Variants in CADM4 observed in about 807,000 individuals in gnomAD.
The protein encoded by CADM4 is cell adhesion molecule 4.
Under a neutral mutation model 43.9 loss-of-function variants are expected in CADM4, and 13 were observed. That is an observed-to-expected ratio of 0.30 (90% CI 0.19 to 0.47). The LOEUF (loss-of-function observed/expected upper bound fraction) is 0.47. Ranked by LOEUF, CADM4 falls within the 20% of genes least tolerant of loss-of-function variation. CADM4 has a pLI of 1.00. For missense variants in CADM4, 420 were observed against 527.0 expected, an observed-to-expected ratio of 0.80 and a Z score of 1.99; for synonymous variants, 209 against 220.9, an observed-to-expected ratio of 0.95 and a Z score of 0.48.
intron 1 of CADM4, among the ~76,000 whole-genome samples, chr19:43,628,178 C>A (rs1294389838): frequency 6.6e-6 from 1 of 151,546 alleles, no homozygotes; most frequent in African/African-American, 2.4e-5. Context: ...GTAATCCCAG[C>A]ACTTTGAGAG....
At chr19:43,629,665 C>T (rs1973587600) in intron 1 of CADM4, among the ~76,000 whole-genome samples, 1 of 152,114 alleles carries the variant, frequency 6.6e-6, no homozygotes, top group Admixed American at 6.6e-5. Flanking sequence ...GTTGCCCAGG[C>T]TGGAGTGCAG....
chr19:43,625,324 A>G lies in CADM4; in HGVS notation c.756-74T>C, dbSNP rs986980116. On this transcript the variant is annotated intron_variant, in intron 6 of 8. Coordinates refer to ENST00000222374, the MANE Select transcript of CADM4 (RefSeq NM_145296.2). This position sits in a 1 kb window ranked among gnomAD's most constrained non-coding sequence, Gnocchi z 4.5. ...CCCAATTCTGACTTGTCAAGAATCT[A>G]GACATGCAACTCTCATCCCGCAGGG... 7 of 1,453,456 alleles carry G rather than the reference A, an allele frequency of 4.8e-6. No homozygotes were observed. The highest frequency in any genetic ancestry group is 6.5e-6 in the Non-Finnish European group (7 of 1,069,544). The allele number at this position is 1,453,456 out of a possible 1,614,324, so 90.0% of individuals were successfully genotyped here. A position where few individuals can be genotyped will look rare whatever the true frequency, so the allele number is the denominator to read the frequency against.
chr19:43,640,579 A>G (rs1973762850), upstream of CADM4, among the ~76,000 whole-genome samples: 1 of 152,030 alleles, frequency 6.6e-6, no homozygotes, highest in Non-Finnish European at 1.5e-5. Flanking sequence ...GGGCCCCCTG[A>G]AAGTGAACTA....
At position 43,626,804 on chromosome 19, in the gene CADM4, C is replaced by T. The variant is rs1203085411; in HGVS notation, c.479G>A (p.Arg160Gln). The change falls in exon 4 of 9, where the codon CGG becomes CAG. Residue 160 changes from arginine to glutamine, a missense_variant. Physicochemically the swap from Arg to Gln is conservative, Grantham distance 43 (BLOSUM62 1). Coordinates refer to ENST00000222374, the MANE Select transcript of CADM4 (RefSeq NM_145296.2). The surrounding 1 kb of genome is among the most constrained non-coding windows in gnomAD (Gnocchi z 5.9). ...SRPAATLRWYRDRKELKGVSS... is the reference protein window; with the variant it reads ...SRPAATLRWYQDRKELKGVSS... ...GGTACCTTTCAGCTCCTTGCGGTCC[C>T]GGTACCAGCGCAGGGTGGCAGCCGG... is the stretch of plus-strand genomic sequence containing the variant. 1 of 1,603,278 alleles carries T rather than the reference C, an allele frequency of 6.2e-7. No homozygotes were observed. The highest frequency in any genetic ancestry group is 1.7e-5 in the Admixed American group (1 of 58,830).
At chr19:43,640,086 A>ACCT (rs1973757387), upstream of CADM4, among the ~76,000 whole-genome samples, 1 of 124,530 alleles carries the variant, frequency 8.0e-6, no homozygotes. Flanking sequence ...GATCTCGGTG[A>ACCT]GCGCGGGAAA....
chr19:43,635,006 G>T (rs527389587), intron 1 of CADM4, among the ~76,000 whole-genome samples: 2 of 151,918 alleles, frequency 1.3e-5, no homozygotes, highest in South Asian at 4.2e-4. Flanking sequence ...TTCAAACCTA[G>T]GAGTCAGAGC....
At chr19:43,638,943 A>G (rs1400348255) in intron 1 of CADM4, among the ~76,000 whole-genome samples, 3 of 152,126 alleles carry the variant, frequency 2.0e-5, no homozygotes, top group Non-Finnish European at 4.4e-5. Flanking sequence ...TGGAGGCTGT[A>G]AGCGTAGAGA....
chr19:43,625,048 C>CCCCCCCCCGCGG lies in CADM4; in HGVS notation c.928+29_928+30insCCGCGGGGGGGG. The CCCCCCCCCGCGG allele has an allele frequency of 6.8e-7, 1 of 1,460,202 alleles. No homozygotes were observed. The highest frequency in any genetic ancestry group is 9.1e-7 in the Non-Finnish European group (1 of 1,103,144). The allele number at this position is 1,460,202 out of a possible 1,614,324, so 90.5% of individuals were successfully genotyped here. ...CCCCCGCCACCTGGCGCCCCGCCCC[C>CCCCCCCCCGCGG]GCCCTCAGTCGGCCGCAGCCTGCTC... On this transcript the variant is annotated intron_variant, in intron 7 of 8. Transcript: ENST00000222374. This position sits in a 1 kb window ranked among gnomAD's most constrained non-coding sequence, Gnocchi z 4.5.
At chr19:43,630,650 C>T (rs1164442413) in intron 1 of CADM4, among the ~76,000 whole-genome samples, 1 of 152,106 alleles carries the variant, frequency 6.6e-6, no homozygotes, top group Non-Finnish European at 1.5e-5. Context: ...AAGTTCACAG[C>T]CAAGAGTGGC....
chr19:43,626,710 C>T lies in CADM4; in HGVS notation c.499+74G>A, dbSNP rs906793032. 2.0e-6 allele frequency: 3 copies of T among 1,472,706 alleles called. No homozygotes were observed. The Admixed American group carries it at 7.2e-5, about 35-fold the overall frequency. 91.2% of individuals were successfully genotyped at this position (1,472,706 alleles called of 1,614,324 possible). ...CCAGTGTCTGTGAAAACCTGTGGCT[C>T]CTCTCCACATATAAACAACCTCTCC... On this transcript the variant is annotated intron_variant, in intron 4 of 8. Transcript: ENST00000222374. The surrounding 1 kb of genome is among the most constrained non-coding windows in gnomAD (Gnocchi z 5.9).
At position 43,626,648 on chromosome 19, in the gene CADM4, C is replaced by T; in HGVS notation, c.499+136G>A. 1 of 1,208,280 alleles carries T rather than the reference C, an allele frequency of 8.3e-7. No individual in the cohort carries two copies. The highest frequency in any genetic ancestry group is 1.1e-6 in the Non-Finnish European group (1 of 885,566). 74.8% of individuals were successfully genotyped at this position (1,208,280 alleles called of 1,614,324 possible). On this transcript the variant is annotated intron_variant, in intron 4 of 8. Coordinates refer to ENST00000222374, the MANE Select transcript of CADM4 (RefSeq NM_145296.2). This position sits in a 1 kb window ranked among gnomAD's most constrained non-coding sequence, Gnocchi z 5.9. Reference sequence around the variant, plus strand: ...AAAGTGCTAGGACTACAGGCGTGAGCCACCGCGCTCGACATCAACCACTAC... The same window carrying T: ...AAAGTGCTAGGACTACAGGCGTGAGTCACCGCGCTCGACATCAACCACTAC...
In CADM4 at chr19:43,630,281, C is replaced by CTTTTTTTT. The variant is rs59489315; in HGVS notation, c.65-2499_65-2492dup. Among the ~76,000 whole-genome samples, 226 of 73,406 alleles carry CTTTTTTTT rather than the reference C, an allele frequency of 3.1e-3. 2 individuals carry two copies. Among genetic ancestry groups the CTTTTTTTT allele is most frequent in the African/African-American group, 4.3e-3 (71 of 16,546 alleles). The allele number at this position is 73,406 out of a possible 152,430, so 48.2% of individuals were successfully genotyped here. A position where few individuals can be genotyped will look rare whatever the true frequency, so the allele number is the denominator to read the frequency against. On this transcript the variant is annotated intron_variant, in intron 1 of 8. Coordinates refer to ENST00000222374, the MANE Select transcript of CADM4 (RefSeq NM_145296.2). ...TTTCCCCCATTTCCATTTTTCTTTT[C>CTTTTTTTT]TTTTTTTTTTTTTTTTTTTTTTGAG...
At chr19:43,638,612 G>T (rs971750260) in intron 1 of CADM4, among the ~76,000 whole-genome samples, 1 of 152,192 alleles carries the variant, frequency 6.6e-6, no homozygotes, top group African/African-American at 2.4e-5. Context: ...CATTCTCAGG[G>T]TCACCCAACC....
In CADM4 at chr19:43,626,480, C is replaced by G. The variant is rs1973530360; in HGVS notation, c.500-192G>C. On this transcript the variant is annotated intron_variant, in intron 4 of 8. Transcript: ENST00000222374. This position sits in a 1 kb window ranked among gnomAD's most constrained non-coding sequence, Gnocchi z 5.9. ...CCTCCCAAAGCTCTTCCCTCTTTCA[C>G]GCTCATGCTTTCTCGTCTATCAATC... Among the ~76,000 whole-genome samples, 1 of 152,110 alleles carries G rather than the reference C, an allele frequency of 6.6e-6. No homozygotes were observed.
rs1414086675 is a variant in CADM4, at chr19:43,625,985, C to G, written c.681G>C (p.Arg227=). The stretch of plus-strand genomic sequence containing the variant: ...TCACCACAGCTTGGGAGGCATGAAT[C>G]CGGGCCGTGGGGGAGTCTGTTAGGC... The part of the protein sequence containing the change: ...VLDVQYSPTA[R]IHASQAVVRE... Residue 227 remains arginine (R), a synonymous_variant, in exon 6 of 9, where the codon CGG becomes CGC. Transcript: ENST00000222374. The surrounding 1 kb of genome is among the most constrained non-coding windows in gnomAD (Gnocchi z 4.5). 1 of 1,614,082 alleles carries G rather than the reference C, an allele frequency of 6.2e-7. No homozygotes were observed. The highest frequency in any genetic ancestry group is 8.5e-7 in the Non-Finnish European group (1 of 1,180,046).
chr19:43,628,100 G>A (rs1973558936), intron 1 of CADM4, among the ~76,000 whole-genome samples: 1 of 152,130 alleles, frequency 6.6e-6, no homozygotes, highest in South Asian at 2.1e-4. Context: ...AGAGGGCTCT[G>A]CAAGAAAGCT....
rs749124977 is a variant in CADM4 at position 43,626,212 on chromosome 19, G to A, written c.576C>T (p.Asp192=). 4 of 1,613,560 alleles carry A rather than the reference G, an allele frequency of 2.5e-6. No individual in the cohort carries two copies. The highest frequency in any genetic ancestry group is 3.4e-6 in the Non-Finnish European group (4 of 1,180,008). ...CCTCACAGATGATGATACCACCGTC[G>A]TCCTTACGGTCCACACGAAACCGTA... ...STVRFRVDRK[D]DGGIIICEAQ... is the part of the protein sequence containing the mutation. The change falls in exon 5 of 9, where the codon GAC becomes GAT. Residue 192 remains aspartate (D), a synonymous_variant. Transcript: ENST00000222374. The surrounding 1 kb of genome is among the most constrained non-coding windows in gnomAD (Gnocchi z 5.9).
At chr19:43,630,813 C>T (rs896876698) in intron 1 of CADM4, among the ~76,000 whole-genome samples, 4 of 152,134 alleles carry the variant, frequency 2.6e-5, no homozygotes, top group African/African-American at 7.2e-5. Flanking sequence ...TTGCTTTCAT[C>T]CTAAGGGCCA....
rs750668926 is a variant in CADM4 at position 43,625,043 on chromosome 19, G to A, written c.928+35C>T. ...CCCCGCCCCCGCCACCTGGCGCCCC[G>A]CCCCCGCCCTCAGTCGGCCGCAGCC... On this transcript the variant is annotated intron_variant, in intron 7 of 8. Coordinates refer to ENST00000222374, the MANE Select transcript of CADM4 (RefSeq NM_145296.2). This position sits in a 1 kb window ranked among gnomAD's most constrained non-coding sequence, Gnocchi z 4.5. 5.4e-6 allele frequency: 1 copy of A among 186,584 alleles called. No individual in the cohort carries two copies. The highest frequency in any genetic ancestry group is 7.9e-6 in the Non-Finnish European group (1 of 126,646). 11.6% of individuals were successfully genotyped at this position (186,584 alleles called of 1,614,324 possible).
Sources: gnomAD v4.1 joint callset for allele counts (sites outside exome capture counted in the v4.1 genomes callset) on GRCh38, gnomAD v4.1.1 for gene constraint, Gnocchi (gnomAD v3.1) non-coding constraint, MANE v1.5 for transcripts, NCBI Gene and HGNC (gene_info 2026-07-23, HGNC 2026-07-21) for gene names.